The following PLEKHG1 variants were observed in gnomAD, a reference collection of about 807,000 sequenced individuals.
PLEKHG1 encodes pleckstrin homology domain-containing family G member 1.
Under a neutral mutation model 100.8 loss-of-function variants are expected in PLEKHG1, and 44 were observed. That is an observed-to-expected ratio of 0.44 (90% CI 0.34 to 0.56). PLEKHG1 has a LOEUF of 0.56. Among genes scored for constraint, PLEKHG1 ranks in the 20% least tolerant of loss-of-function variants. The pLI, the probability that PLEKHG1 is intolerant of heterozygous loss-of-function variation, is 0.01. For missense variants in PLEKHG1, 1,545 were observed against 1,720.9 expected, an observed-to-expected ratio of 0.90 and a Z score of 1.81; for synonymous variants, 640 against 662.5, an observed-to-expected ratio of 0.97 and a Z score of 0.52.
At chr6:150,768,900 C>T (rs1784577275) in intron 3 of PLEKHG1, among the ~76,000 whole-genome samples, 162 bp downstream of exon 4, 1 of 152,116 alleles carries the variant, frequency 6.6e-6, no homozygotes, top group Non-Finnish European at 1.5e-5. Flanking sequence ...TCCTTATTTC[C>T]TTATGAGTCT....
At chr6:150,641,720 G>A (rs565665208) in intron 2 of PLEKHG1, among the ~76,000 whole-genome samples, 147 of 151,966 alleles carry the variant, frequency 9.7e-4, no homozygotes, top group African/African-American at 3.4e-3. Flanking sequence ...CCAGCCCTTC[G>A]TATCCATGTT....
intron 3 of PLEKHG1, among the ~76,000 whole-genome samples, chr6:150,659,390 A>G (rs1779095257): frequency 6.6e-6 from 1 of 152,188 alleles, no homozygotes; most frequent in Non-Finnish European, 1.5e-5. Context: ...AAAGGAACAC[A>G]GTGGGCTCTG....
chr6:150,839,067 G>T (rs1777377443), intron 15 of PLEKHG1, among the ~76,000 whole-genome samples: 2 of 152,112 alleles, frequency 1.3e-5, no homozygotes, highest in Non-Finnish European at 2.9e-5. Flanking sequence ...ATGATGGGAA[G>T]CCAGGGGTAG....
intron 3 of PLEKHG1, among the ~76,000 whole-genome samples, chr6:150,667,297 A>G (rs1229972308): frequency 6.6e-6 from 1 of 152,116 alleles, no homozygotes; most frequent in African/African-American, 2.4e-5. Flanking sequence ...TGCGGACATA[A>G]TTTTTTTAAA....
intron 3 of PLEKHG1, among the ~76,000 whole-genome samples, chr6:150,673,213 T>A (rs1344862714): frequency 6.6e-6 from 1 of 152,212 alleles, no homozygotes; most frequent in Non-Finnish European, 1.5e-5. Flanking sequence ...CAAATCATCA[T>A]GCATACAAGT....
chr6:150,754,061 A>G (rs533229487), intron 2 of PLEKHG1, among the ~76,000 whole-genome samples: 1 of 152,334 alleles, frequency 6.6e-6, no homozygotes, highest in East Asian at 1.9e-4. Flanking sequence ...AGATATTTTT[A>G]TAGCACTACA....
intron 2 of PLEKHG1, among the ~76,000 whole-genome samples, chr6:150,743,213 C>A (rs1782973554): frequency 6.6e-6 from 1 of 152,142 alleles, no homozygotes; most frequent in Non-Finnish European, 1.5e-5. Flanking sequence ...TCCCCCACCA[C>A]CCTCACTAAA....
At chr6:150,825,665 G>A (rs577093211) in intron 14 of PLEKHG1, among the ~76,000 whole-genome samples, 1 of 152,304 alleles carries the variant, frequency 6.6e-6, no homozygotes, top group East Asian at 1.9e-4. Flanking sequence ...CTGCGTATAT[G>A]TGTGTATGAG....
intron 2 of PLEKHG1, among the ~76,000 whole-genome samples, chr6:150,645,780 T>G (rs77499686): frequency 6.6e-6 from 1 of 151,946 alleles, no homozygotes; most frequent in Admixed American, 6.6e-5. Flanking sequence ...GGAACTCTTA[T>G]ACACTATGGG....
intron 3 of PLEKHG1, among the ~76,000 whole-genome samples, chr6:150,673,037 T>C (rs1388377913): frequency 1.3e-5 from 2 of 152,222 alleles, no homozygotes; most frequent in Non-Finnish European, 2.9e-5. Flanking sequence ...ACTTCAAACA[T>C]TGAAACTGAT....
intron 7 of PLEKHG1, 40 bp downstream of exon 8, chr6:150,804,781 T>C: frequency 5.0e-6 from 8 of 1,599,122 alleles, no homozygotes; most frequent in Non-Finnish European, 6.8e-6. Context: ...GGGTTGCAGG[T>C]GTAGTGACTT....
chr6:150,789,119 T>C (rs1785813156), intron 4 of PLEKHG1, among the ~76,000 whole-genome samples: 1 of 152,226 alleles, frequency 6.6e-6, no homozygotes. Flanking sequence ...ATTGCTTTAC[T>C]GTGGCTACCT....
chr6:150,811,330 T>A (rs536656047), intron 10 of PLEKHG1, among the ~76,000 whole-genome samples: 22 of 151,330 alleles, frequency 1.5e-4, no homozygotes, highest in Non-Finnish European at 1.5e-4. Context: ...AGCACAGTGG[T>A]GCAAACATGG....
At chr6:150,699,305 T>C (rs1780672613) in intron 3 of PLEKHG1, among the ~76,000 whole-genome samples, 1 of 152,228 alleles carries the variant, frequency 6.6e-6, no homozygotes, top group South Asian at 2.1e-4. Flanking sequence ...ACCTGAAGTC[T>C]CTGGTGCCTG....
chr6:150,746,641 T>A (rs1047451249), intron 2 of PLEKHG1, among the ~76,000 whole-genome samples: 1 of 152,320 alleles, frequency 6.6e-6, no homozygotes, highest in South Asian at 2.1e-4. Flanking sequence ...TTGTAGGAAG[T>A]TTTTTACTGA....
At chr6:150,620,320 T>G (rs1222879545) in intron 1 of PLEKHG1, among the ~76,000 whole-genome samples, 1 of 152,212 alleles carries the variant, frequency 6.6e-6, no homozygotes. Flanking sequence ...CTGACAGCGT[T>G]TCTCTCCAAG....
In PLEKHG1 at chr6:150,683,052, A is replaced by G. The variant is rs1582937197; in HGVS notation, c.-99+32266A>G. Among the ~76,000 whole-genome samples, 2 of 152,312 alleles carry G rather than the reference A, an allele frequency of 1.3e-5. No homozygotes were observed. The highest frequency in any genetic ancestry group is 4.1e-4 in the South Asian group (2 of 4,822). On this transcript the variant is annotated intron_variant, in intron 3 of 3. Coordinates refer to the PLEKHG1 transcript ENST00000367326. The surrounding 1 kb of genome is among the most constrained non-coding windows in gnomAD (Gnocchi z 4.0). ...TTCGTGCGCATCTTAACAGTTGACA[A>G]CTACATCATCACAGCTTGACACACG...
At chr6:150,804,784 A>G (rs773937981) in intron 7 of PLEKHG1, 43 bp downstream of exon 8, 70 of 1,596,782 alleles carry the variant, frequency 4.4e-5, no homozygotes, top group Non-Finnish European at 3.3e-5. Context: ...TTGCAGGTGT[A>G]GTGACTTACT....
intron 3 of PLEKHG1, among the ~76,000 whole-genome samples, chr6:150,692,636 C>G (rs1222441942): frequency 1.3e-5 from 2 of 152,074 alleles, no homozygotes; most frequent in East Asian, 3.8e-4. Flanking sequence ...AAATGAATAT[C>G]AGAGGGAAAA....
Sources: gnomAD v4.1 joint callset for allele counts (sites outside exome capture counted in the v4.1 genomes callset) on GRCh38, gnomAD v4.1.1 for gene constraint, Gnocchi (gnomAD v3.1) non-coding constraint, MANE v1.5 for transcripts, NCBI Gene and HGNC (gene_info 2026-07-23, HGNC 2026-07-21) for gene names.